The following CTBP2 variants were observed in gnomAD, a reference collection of about 807,000 sequenced individuals.
CTBP2 encodes the protein C-terminal-binding protein 2.
In CTBP2, 30 loss-of-function variants were observed where a neutral mutation model predicts 80.3. That is an observed-to-expected ratio of 0.37 (90% confidence interval 0.28 to 0.51). CTBP2 has a LOEUF of 0.51. Among genes scored for constraint, CTBP2 ranks in the 20% least tolerant of loss-of-function variants. The probability of loss-of-function intolerance (pLI) is 0.93; values close to 1 mark genes in which losing one functional copy is unlikely to be tolerated. For missense variants in CTBP2, 1,212 were observed against 1,375.3 expected (o/e 0.88, Z 1.88); for synonymous variants, 594 against 587.4 (o/e 1.01, Z -0.16).
intron 2 of CTBP2, among the ~76,000 whole-genome samples, chr10:125,070,156 C>T (rs1301858025): frequency 6.6e-6 from 1 of 151,930 alleles, no homozygotes; most frequent in Non-Finnish European, 1.5e-5. Flanking sequence ...TCTACACCAC[C>T]CTGGCTAACA....
intron 1 of CTBP2, chr10:125,006,053 T>C: frequency 2.2e-6 from 3 of 1,337,732 alleles, no homozygotes; most frequent in Non-Finnish European, 2.9e-6. Context: ...ATGGATCCGT[T>C]ACCAGGGTAA....
chr10:125,027,715 G>T lies in CTBP2; in HGVS notation c.45C>A (p.Ser15Arg). The T allele has an allele frequency of 6.2e-7, 1 of 1,611,414 alleles. No homozygotes were observed. ...CCTCGTACCACCCAGCAGCATCCCA[G>T]CTCTGAGAACGACCAATATTTATAT... The change falls in exon 1 of 9, where the codon AGC becomes AGA. Residue 15 changes from serine to arginine, a missense_variant. By Grantham distance (110) the Ser-to-Arg change is moderately radical. This residue lies in a region of CTBP2 where 848 missense variants were observed against 782.3 expected (regional missense o/e 1.08). Transcript: ENST00000309035.
chr10:125,068,136 G>A (rs897286555), intron 2 of CTBP2, among the ~76,000 whole-genome samples: 14 of 152,168 alleles, frequency 9.2e-5, no homozygotes, highest in African/African-American at 3.1e-4. Context: ...ATGCGGCCCA[G>A]GCCCACAGAC....
upstream of CTBP2, among the ~76,000 whole-genome samples, chr10:125,031,405 C>A (rs1958176897): frequency 7.4e-6 from 1 of 134,690 alleles, no homozygotes; most frequent in African/African-American, 2.7e-5. Context: ...AGGAGAATGG[C>A]GTGAACCCGG....
chr10:125,151,498 C>G (rs1470258729), intron 1 of CTBP2, among the ~76,000 whole-genome samples: 1 of 152,214 alleles, frequency 6.6e-6, no homozygotes. Context: ...CGTGGTCACC[C>G]CCAAACACTG....
rs950209915 is a variant in CTBP2, at chr10:125,003,263, C to A, written c.1833+75G>T. The A allele has an allele frequency of 3.1e-6, 5 of 1,587,776 alleles. No homozygotes were observed. The African/African-American group carries it at 4.1e-5, about 13-fold the overall frequency. Reference sequence around the variant, plus strand: ...TCTGGGGCCTGCCGGTGACTTGGGGCGATCTAATGGGGGGATGCTGGGGAG... The same window carrying A: ...TCTGGGGCCTGCCGGTGACTTGGGGAGATCTAATGGGGGGATGCTGGGGAG... On this transcript the variant is annotated intron_variant, in intron 2 of 8. Transcript: ENST00000309035.
chr10:125,099,338 C>T (rs1152685), intron 2 of CTBP2, among the ~76,000 whole-genome samples: 27,261 of 152,204 alleles, frequency 0.18, 3,281 homozygotes, highest in East Asian at 0.32. Flanking sequence ...GCGTCTGGCA[C>T]GCATGCCACA....
chr10:125,037,997 T>A (rs1377579755), intron 3 of CTBP2, among the ~76,000 whole-genome samples: 1 of 152,188 alleles, frequency 6.6e-6, no homozygotes, highest in Non-Finnish European at 1.5e-5. Context: ...TTGTGAATGT[T>A]TACTTTAAAA....
chr10:125,039,844 T>C (rs1959200868), intron 2 of CTBP2, among the ~76,000 whole-genome samples: 1 of 152,226 alleles, frequency 6.6e-6, no homozygotes, highest in Non-Finnish European at 1.5e-5. Flanking sequence ...TCCAGCTATA[T>C]GGGCTGAAGT....
chr10:125,098,657 G>GAGAGAGAGAGAGAGA (rs1849948390), intron 2 of CTBP2, among the ~76,000 whole-genome samples: 1 of 44,996 alleles, frequency 2.2e-5, no homozygotes, highest in Admixed American at 2.7e-4. Flanking sequence ...TGGGGGAGGG[G>GAGAGAGAGAGAGAGA]GAGAGAGAGA....
chr10:125,053,817 C>A (rs1963317520), intron 2 of CTBP2, among the ~76,000 whole-genome samples: 1 of 152,144 alleles, frequency 6.6e-6, no homozygotes, highest in African/African-American at 2.4e-5. Context: ...CCACATAGTT[C>A]CGAAGGGCAG....
rs1265465733 is a variant in CTBP2, at chr10:124,995,404, A to C, written c.2186-721T>G. On this transcript the variant is annotated intron_variant, in intron 4 of 8. Coordinates refer to ENST00000309035, the MANE Select transcript of CTBP2 (RefSeq NM_022802.3). ...AACCCATGGGGTCCCCCTCGATAGC[A>C]CCTCCAGCTTCCCAGAGCAGTTTTC... Among the ~76,000 whole-genome samples, 6 of 152,138 alleles carry C rather than the reference A, an allele frequency of 3.9e-5. 1 individual carries two copies. In the South Asian group the frequency reaches 1.2e-3, roughly 32 times the overall value.
chr10:125,128,874 T>C (rs887771403), intron 1 of CTBP2, among the ~76,000 whole-genome samples: 1 of 152,212 alleles, frequency 6.6e-6, no homozygotes, highest in East Asian at 1.9e-4. Context: ...TTGCTCAGAA[T>C]AGCGAAAAGC....
chr10:125,091,594 G>C (rs556839802), intron 2 of CTBP2, among the ~76,000 whole-genome samples: 2 of 152,236 alleles, frequency 1.3e-5, no homozygotes, highest in Non-Finnish European at 2.9e-5. Flanking sequence ...GCAACACAGG[G>C]AGACCCCATC....
intron 1 of CTBP2, among the ~76,000 whole-genome samples, chr10:125,011,652 G>A (rs753917898): frequency 2.0e-5 from 3 of 152,196 alleles, no homozygotes; most frequent in Non-Finnish European, 4.4e-5. Context: ...AGACAAGCAC[G>A]TGCAGTCACT....
At chr10:125,093,157 GCGTGCTTTCT>G (rs1202621357) in intron 2 of CTBP2, among the ~76,000 whole-genome samples, 4 of 152,134 alleles carry the variant, frequency 2.6e-5, no homozygotes. Flanking sequence ...GATCCATCCT[GCGTGCTTTCT>G]ACATGAGCAT....
At chr10:125,023,974 C>T (rs963368417) in intron 1 of CTBP2, among the ~76,000 whole-genome samples, 32 of 152,170 alleles carry the variant, frequency 2.1e-4, no homozygotes, top group African/African-American at 7.2e-4. Context: ...AACGAAGATG[C>T]GTTCAGGCTG....
At chr10:125,153,158 A>C (rs1860304514) in intron 1 of CTBP2, among the ~76,000 whole-genome samples, 1 of 152,212 alleles carries the variant, frequency 6.6e-6, no homozygotes, top group Non-Finnish European at 1.5e-5. Context: ...CACAGAGGAC[A>C]ATGTTGGGCT....
chr10:125,137,209 A>G (rs1857105240), intron 1 of CTBP2, among the ~76,000 whole-genome samples: 1 of 152,260 alleles, frequency 6.6e-6, no homozygotes, highest in Non-Finnish European at 1.5e-5. Context: ...CAACAGGAAG[A>G]AGGATGCAGG....
Sources: gnomAD v4.1 joint callset for allele counts (sites outside exome capture counted in the v4.1 genomes callset) on GRCh38, gnomAD v4.1.1 for gene constraint, gnomAD v4.1.1 regional missense constraint, MANE v1.5 for transcripts, NCBI Gene and HGNC (gene_info 2026-07-23, HGNC 2026-07-21) for gene names.